The following VPS8 variants were observed in gnomAD, a reference collection of about 807,000 sequenced individuals.
VPS8 encodes the protein VPS8 subunit of CORVET complex, also known as vacuolar protein sorting-associated protein 8 homolog.
In VPS8, 129 loss-of-function variants were observed where a neutral mutation model predicts 216.4. The observed-to-expected ratio is 0.60, with a 90% CI of 0.52 to 0.69. VPS8 has a LOEUF of 0.69. Among genes scored for constraint, VPS8 ranks in the 30% least tolerant of loss-of-function variants. VPS8 has a pLI of 0.00. For synonymous variants in VPS8, 571 were observed against 565.4 expected, an observed-to-expected ratio of 1.01 and a Z score of -0.14; for missense variants, 1,531 against 1,683.5, an observed-to-expected ratio of 0.91 and a Z score of 1.59.
intron 37 of VPS8, among the ~76,000 whole-genome samples, chr3:184,957,822 A>G (rs1446929106): frequency 2.0e-5 from 3 of 152,174 alleles, no homozygotes; most frequent in Admixed American, 1.3e-4. Flanking sequence ...TTACATAGTG[A>G]CAAGACAGGA....
chr3:184,902,526 G>T (rs1164405840), intron 25 of VPS8, among the ~76,000 whole-genome samples: 1 of 150,840 alleles, frequency 6.6e-6, no homozygotes, highest in African/African-American at 2.4e-5. Flanking sequence ...TTAGGCTTTT[G>T]CTATTCTGTT....
chr3:184,863,628 G>A (rs4607089), intron 16 of VPS8, among the ~76,000 whole-genome samples: 1 of 152,128 alleles, frequency 6.6e-6, no homozygotes, highest in African/African-American at 2.4e-5. Flanking sequence ...TATGGCCTTA[G>A]CATTAATTTT....
intron 45 of VPS8, 60 bp downstream of exon 45, chr3:184,999,921 C>G: frequency 1.3e-6 from 2 of 1,510,140 alleles, no homozygotes; most frequent in Admixed American, 2.2e-5. Flanking sequence ...TCATTTGGGC[C>G]TGGTCTCATT....
intron 31 of VPS8, among the ~76,000 whole-genome samples, chr3:184,927,105 C>T (rs757439810): frequency 1.3e-5 from 2 of 152,108 alleles, no homozygotes; most frequent in Admixed American, 6.5e-5. Context: ...TCCACCTGTC[C>T]CTCCGCTAAT....
intron 28 of VPS8, among the ~76,000 whole-genome samples, chr3:184,918,693 G>C (rs1326529284): frequency 6.6e-6 from 1 of 152,190 alleles, no homozygotes; most frequent in African/African-American, 2.4e-5. Flanking sequence ...GTTTTTAAAT[G>C]CATGTGTTAA....
chr3:185,014,760 C>G (rs1298911828), intron 45 of VPS8, among the ~76,000 whole-genome samples: 1 of 152,042 alleles, frequency 6.6e-6, no homozygotes, highest in Non-Finnish European at 1.5e-5. Context: ...TATGGTTTGT[C>G]CTTGAAAATT....
chr3:184,915,242 A>G, intron 27 of VPS8, 113 bp from the exon 28 acceptor site: 2 of 1,393,902 alleles, frequency 1.4e-6, no homozygotes, highest in Non-Finnish European at 1.9e-6. Context: ...AAAATACAGT[A>G]GCAATTTAAA....
chr3:184,822,091 T>C (rs1354488908), intron 1 of VPS8, among the ~76,000 whole-genome samples: 2 of 152,052 alleles, frequency 1.3e-5, no homozygotes, highest in East Asian at 3.8e-4. Flanking sequence ...GTAAACAAAT[T>C]AACCAAGGTC....
intron 19 of VPS8, 73 bp downstream of exon 19, chr3:184,869,109 C>A: frequency 7.3e-7 from 1 of 1,375,060 alleles, no homozygotes; most frequent in Non-Finnish European, 1.0e-6. Flanking sequence ...ACTAACCACT[C>A]ATAGGACACT....
chr3:184,884,592 T>G (rs1340233183), intron 21 of VPS8, among the ~76,000 whole-genome samples: 1 of 152,216 alleles, frequency 6.6e-6, no homozygotes, highest in East Asian at 1.9e-4. Flanking sequence ...CAGACAAACT[T>G]CCTTGTCATC....
intron 3 of VPS8, among the ~76,000 whole-genome samples, chr3:184,829,159 T>C (rs1195663371): frequency 6.6e-6 from 1 of 152,212 alleles, no homozygotes; most frequent in Non-Finnish European, 1.5e-5. Flanking sequence ...AGTTTCTTAT[T>C]AATGTGTTTT....
chr3:184,931,733 A>G (rs1740720277), intron 34 of VPS8, among the ~76,000 whole-genome samples: 1 of 152,186 alleles, frequency 6.6e-6, no homozygotes, highest in African/African-American at 2.4e-5. Flanking sequence ...AGATGAATAT[A>G]TCTTGGTAAA....
In VPS8 at chr3:184,993,575, G is replaced by A. The variant is rs141317308; in HGVS notation, c.3586-408G>A. On this transcript the variant is annotated intron_variant, in intron 42 of 47. Coordinates refer to ENST00000625842, the MANE Select transcript of VPS8 (RefSeq NM_001009921.3). ...AACTGATGCAATTGAGTTGGTTAGG[G>A]GCAGGAAGTGGCTAAATGGGATCAC... is the stretch of plus-strand genomic sequence containing the variant. Among the ~76,000 whole-genome samples the A allele has an allele frequency of 4.8e-3, 725 of 152,174 alleles. 6 individuals are homozygous for A. The highest frequency in any genetic ancestry group is 0.029 in the Admixed American group (440 of 15,278).
At chr3:184,825,049 G>T in intron 2 of VPS8, 2 of 384,234 alleles carry the variant, frequency 5.2e-6, no homozygotes, top group South Asian at 2.9e-5. Context: ...GGGACCACAG[G>T]TGTGTGTCAC....
At position 184,820,966 on chromosome 3, in the gene VPS8, T is replaced by C. The variant is rs1717452071; in HGVS notation, c.-88-3579T>C. Among the ~76,000 whole-genome samples the C allele has an allele frequency of 4.6e-5, 7 of 152,370 alleles. No homozygotes were observed. In the South Asian group the frequency reaches 1.4e-3, roughly 32 times the overall value. On this transcript the variant is annotated intron_variant, in intron 1 of 47. Transcript: ENST00000625842. Reference sequence around the variant, plus strand: ...CAGCTCATGAAGAACTGCTGTGATATCCAGGATATCGTTCTGATATGCTTA... The same window carrying C: ...CAGCTCATGAAGAACTGCTGTGATACCCAGGATATCGTTCTGATATGCTTA...
intron 46 of VPS8, among the ~76,000 whole-genome samples, chr3:185,027,031 T>C (rs1163524923): frequency 6.6e-6 from 1 of 151,508 alleles, no homozygotes; most frequent in Non-Finnish European, 1.5e-5. Context: ...TTACACTATT[T>C]ACTGAGATAA....
chr3:185,027,929 C>T (rs1166345008), intron 46 of VPS8, among the ~76,000 whole-genome samples: 1 of 152,146 alleles, frequency 6.6e-6, no homozygotes, highest in Non-Finnish European at 1.5e-5. Flanking sequence ...ATATTTTATT[C>T]AATATACATA....
intron 36 of VPS8, among the ~76,000 whole-genome samples, chr3:184,953,442 C>T (rs1475953482): frequency 6.6e-6 from 1 of 152,098 alleles, no homozygotes; most frequent in Admixed American, 6.6e-5. Context: ...AAGGCTTTGC[C>T]TGAGAACTTG....
intron 21 of VPS8, among the ~76,000 whole-genome samples, chr3:184,884,608 A>G (rs950380997): frequency 1.3e-5 from 2 of 152,286 alleles, no homozygotes; most frequent in African/African-American, 2.4e-5. Flanking sequence ...TCATCTTCCT[A>G]TGCTAACAGG....
Sources: gnomAD v4.1 joint callset for allele counts (sites outside exome capture counted in the v4.1 genomes callset) on GRCh38, gnomAD v4.1.1 for gene constraint, MANE v1.5 for transcripts, NCBI Gene and HGNC (gene_info 2026-07-23, HGNC 2026-07-21) for gene names.